The following FRMD4A variants were observed in gnomAD, a reference collection of about 807,000 sequenced individuals.
FRMD4A encodes the protein FERM domain-containing protein 4A.
A neutral mutation model predicts 129.1 loss-of-function variants in FRMD4A; 29 were observed. That is an observed-to-expected ratio of 0.22 (90% CI 0.17 to 0.31). FRMD4A has a LOEUF of 0.31. Ranked by LOEUF, FRMD4A falls within the 10% of genes least tolerant of loss-of-function variation. The pLI, the probability that FRMD4A is intolerant of heterozygous loss-of-function variation, is 1.00. For synonymous variants in FRMD4A, 634 were observed against 571.6 expected, an observed-to-expected ratio of 1.11 and a Z score of -1.56; for missense variants, 1,272 against 1,375.8, an observed-to-expected ratio of 0.92 and a Z score of 1.19.
intron 2 of FRMD4A, among the ~76,000 whole-genome samples, chr10:14,180,098 G>T (rs1841862837): frequency 6.6e-6 from 1 of 152,106 alleles, no homozygotes; most frequent in African/African-American, 2.4e-5. Flanking sequence ...ACCTCACAAT[G>T]ATCCCATGAG....
chr10:14,021,480 C>T (rs149317192), intron 2 of FRMD4A, among the ~76,000 whole-genome samples: 2 of 152,110 alleles, frequency 1.3e-5, no homozygotes, highest in East Asian at 3.9e-4. Flanking sequence ...TTGTTTGAGC[C>T]CAGGAGGTCG....
At chr10:14,317,199 A>G (rs888901169) in intron 2 of FRMD4A, among the ~76,000 whole-genome samples, 5 of 152,180 alleles carry the variant, frequency 3.3e-5, no homozygotes, top group Admixed American at 2.6e-4. Context: ...GATAAAGTTC[A>G]AACTCCTTGC....
At chr10:13,722,051 C>T (rs1253480933) in intron 12 of FRMD4A, among the ~76,000 whole-genome samples, 5 of 152,094 alleles carry the variant, frequency 3.3e-5, no homozygotes, top group South Asian at 2.1e-4. Flanking sequence ...AGGCTGTGCT[C>T]GCTCCAGGGG....
intron 12 of FRMD4A, among the ~76,000 whole-genome samples, chr10:13,730,505 C>T (rs1038015691): frequency 1.3e-5 from 2 of 152,050 alleles, no homozygotes; most frequent in East Asian, 1.9e-4. Context: ...TTTACTCCAC[C>T]GTAAATGCAA....
chr10:14,038,318 G>A (rs984763044), intron 2 of FRMD4A, among the ~76,000 whole-genome samples: 3 of 152,074 alleles, frequency 2.0e-5, no homozygotes, highest in East Asian at 1.9e-4. Flanking sequence ...GCGAGACTCC[G>A]TCTCAAAATA....
At chr10:13,684,919 A>G (rs2084939750) in intron 15 of FRMD4A, 1 of 985,322 alleles carries the variant, frequency 1.0e-6, no homozygotes, top group African/African-American at 1.7e-5. Flanking sequence ...GCAGATCAGT[A>G]AAAGCTGTAA....
intron 22 of FRMD4A, chr10:13,655,137 A>G (rs2082031307): frequency 6.6e-6 from 1 of 152,442 alleles, no homozygotes; most frequent in South Asian, 2.1e-4. Flanking sequence ...GTCCAGCTGG[A>G]AAGATTTAGT....
At chr10:13,686,848 G>A (rs1354824338) in intron 15 of FRMD4A, among the ~76,000 whole-genome samples, 1 of 152,184 alleles carries the variant, frequency 6.6e-6, no homozygotes, top group Non-Finnish European at 1.5e-5. Flanking sequence ...AAATGCTGCA[G>A]TCCCATTTAT....
intron 2 of FRMD4A, among the ~76,000 whole-genome samples, chr10:13,916,920 G>A (rs781454760): frequency 3.3e-5 from 5 of 152,142 alleles, no homozygotes; most frequent in East Asian, 1.9e-4. Flanking sequence ...AACAGTGGCC[G>A]AGCACATTTA....
chr10:13,896,663 T>A (rs1390002234), intron 2 of FRMD4A, among the ~76,000 whole-genome samples: 1 of 151,896 alleles, frequency 6.6e-6, no homozygotes, highest in Admixed American at 6.6e-5. Flanking sequence ...TCTGCACATG[T>A]GTCCCAGAAC....
At chr10:14,255,437 G>A (rs1486545689) in intron 2 of FRMD4A, among the ~76,000 whole-genome samples, 1 of 152,142 alleles carries the variant, frequency 6.6e-6, no homozygotes, top group Non-Finnish European at 1.5e-5. Context: ...GGTATCAAAA[G>A]GGAAGACCTG....
chr10:13,915,157 C>T (rs2094986386), intron 2 of FRMD4A, among the ~76,000 whole-genome samples: 1 of 152,160 alleles, frequency 6.6e-6, no homozygotes, highest in South Asian at 2.1e-4. Context: ...CAGATGTTTG[C>T]AAATTTCATC....
At chr10:14,151,265 G>T (rs1168343792) in intron 2 of FRMD4A, among the ~76,000 whole-genome samples, 1 of 152,148 alleles carries the variant, frequency 6.6e-6, no homozygotes, top group Non-Finnish European at 1.5e-5. Context: ...CAACCTAAGG[G>T]TCCACCAATG....
chr10:14,284,597 G>A (rs566391420), intron 2 of FRMD4A, among the ~76,000 whole-genome samples: 1 of 152,194 alleles, frequency 6.6e-6, no homozygotes, highest in Admixed American at 6.5e-5. Flanking sequence ...AGGTTGCAGT[G>A]AGTCGAGATC....
intron 2 of FRMD4A, among the ~76,000 whole-genome samples, chr10:14,106,756 G>A (rs562743541): frequency 1.1e-4 from 17 of 152,312 alleles, no homozygotes; most frequent in Admixed American, 5.2e-4. Flanking sequence ...CTTTTGGGAT[G>A]TATAATGAAA....
chr10:13,916,330 G>C (rs570328283), intron 2 of FRMD4A, among the ~76,000 whole-genome samples: 2 of 152,278 alleles, frequency 1.3e-5, no homozygotes, highest in Non-Finnish European at 2.9e-5. Context: ...ACACTCCGAG[G>C]ATCCTGGATC....
chr10:13,768,343 G>A (rs764790327), intron 6 of FRMD4A, among the ~76,000 whole-genome samples: 8 of 152,152 alleles, frequency 5.3e-5, no homozygotes, highest in Non-Finnish European at 1.2e-4. Flanking sequence ...CCTGAGAGCC[G>A]GAGGGCCTCT....
rs550711306 is a variant in FRMD4A at position 14,276,053 on chromosome 10, A to G, written c.45+54005T>C. On this transcript the variant is annotated intron_variant, in intron 2 of 24. Transcript: ENST00000357447. ...ACCTTGTCTCAAAAAACAAAAACAA[A>G]CAAAATGACAGAATGAATCAGGAGA... Among the ~76,000 whole-genome samples, 7 of 152,258 alleles carry G rather than the reference A, an allele frequency of 4.6e-5. No individual in the cohort carries two copies. The South Asian group carries it at 1.2e-3, about 27-fold the overall frequency.
At chr10:14,256,066 A>G (rs1844605727) in intron 2 of FRMD4A, among the ~76,000 whole-genome samples, 1 of 152,120 alleles carries the variant, frequency 6.6e-6, no homozygotes, top group Admixed American at 6.5e-5. Flanking sequence ...AAACTACAGA[A>G]TTAATAAGCA....
Sources: gnomAD v4.1 joint callset for allele counts (sites outside exome capture counted in the v4.1 genomes callset) on GRCh38, gnomAD v4.1.1 for gene constraint, MANE v1.5 for transcripts, NCBI Gene and HGNC (gene_info 2026-07-23, HGNC 2026-07-21) for gene names.